The following FHIT variants were observed in gnomAD, a reference collection of about 807,000 sequenced individuals.
FHIT encodes fragile histidine triad diadenosine triphosphatase.
Under a neutral mutation model 17.9 loss-of-function variants are expected in FHIT, and 19 were observed. The observed-to-expected ratio is 1.06, with a 90% CI of 0.74 to 1.56. FHIT has a LOEUF of 1.56. Ranked by LOEUF, FHIT falls within the 40% of genes most tolerant of loss-of-function variation. FHIT has a pLI of 0.00. For missense variants in FHIT, 248 were observed against 189.2 expected (o/e 1.31, Z -1.82); for synonymous variants, 81 against 69.7 (o/e 1.16, Z -0.81).
At chr3:60,928,272 C>T (rs1010097584) in intron 3 of FHIT, among the ~76,000 whole-genome samples, 1 of 150,954 alleles carries the variant, frequency 6.6e-6, no homozygotes. Context: ...CTGCGAAATC[C>T]CCCTCTCTGA....
intron 3 of FHIT, among the ~76,000 whole-genome samples, chr3:60,892,064 C>T (rs1391501015): frequency 6.6e-6 from 1 of 152,028 alleles, no homozygotes; most frequent in Non-Finnish European, 1.5e-5. Flanking sequence ...GATCTGTTGC[C>T]AGAGTATGTT....
At position 60,828,156 on chromosome 3, in the gene FHIT, T is replaced by G. The variant is rs1444003085; in HGVS notation, c.-110-6145A>C. The stretch of plus-strand genomic sequence containing the variant: ...CTTCCTCATTAAGTTATTAGGGGGA[T>G]TCAGTGAGATAATTTATGTAAAGAA... On this transcript the variant is annotated intron_variant, in intron 3 of 9. Transcript: ENST00000492590. Among the ~76,000 whole-genome samples the G allele has an allele frequency of 9.2e-5, 14 of 152,302 alleles. 1 individual carries two copies. In the East Asian group the frequency reaches 2.7e-3, roughly 29 times the overall value.
At chr3:61,044,203 C>T (rs1473933800) in intron 2 of FHIT, among the ~76,000 whole-genome samples, 23 of 152,140 alleles carry the variant, frequency 1.5e-4, no homozygotes, top group African/African-American at 7.2e-5. Context: ...GGAGGATGTT[C>T]GAACCCATCA....
intron 8 of FHIT, among the ~76,000 whole-genome samples, chr3:59,851,956 C>G (rs1397097184): frequency 5.9e-5 from 9 of 152,186 alleles, no homozygotes; most frequent in African/African-American, 1.4e-4. Flanking sequence ...TTTACCCTTT[C>G]ATCTTGCTCT....
At chr3:60,500,441 C>A (rs1294842775) in intron 5 of FHIT, among the ~76,000 whole-genome samples, 2 of 152,120 alleles carry the variant, frequency 1.3e-5, no homozygotes, top group Admixed American at 1.3e-4. Context: ...AAAGAAAGCT[C>A]CTTTAAAACT....
At chr3:60,221,335 C>T (rs1703949274) in intron 5 of FHIT, among the ~76,000 whole-genome samples, 1 of 152,068 alleles carries the variant, frequency 6.6e-6, no homozygotes, top group African/African-American at 2.4e-5. Flanking sequence ...ACCAGGAGAA[C>T]AGCAGTTCAG....
At chr3:60,781,741 A>G (rs919029270) in intron 4 of FHIT, among the ~76,000 whole-genome samples, 7 of 152,224 alleles carry the variant, frequency 4.6e-5, no homozygotes, top group Admixed American at 4.6e-4. Flanking sequence ...TAAAATAACA[A>G]GAAGTACCAC....
rs569511142 is a variant in FHIT at position 60,515,449 on chromosome 3, G to A, written c.103+21411C>T. Among the ~76,000 whole-genome samples the A allele has an allele frequency of 2.7e-5, 4 of 148,774 alleles. No individual in the cohort carries two copies. In the South Asian group the frequency reaches 8.5e-4, roughly 32 times the overall value. ...ATCAGTATTTATGGGCTTACAAGAA[G>A]ATAAATGCATTTCAAGAGTAGCCTC... On this transcript the variant is annotated intron_variant, in intron 5 of 9. Transcript: ENST00000492590.
chr3:60,486,207 T>C (rs1278397894), intron 5 of FHIT, among the ~76,000 whole-genome samples: 2 of 152,076 alleles, frequency 1.3e-5, no homozygotes. Flanking sequence ...AGAGAGTATA[T>C]AAACAATAAT....
chr3:60,794,408 G>GGATGGATA (rs1700902445), intron 4 of FHIT, among the ~76,000 whole-genome samples: 2 of 149,418 alleles, frequency 1.3e-5, no homozygotes, highest in African/African-American at 5.0e-5. Flanking sequence ...ATGGATGGAT[G>GGATGGATA]GATGGATGGA....
chr3:60,390,328 T>C (rs1701169504), intron 5 of FHIT, among the ~76,000 whole-genome samples: 1 of 148,510 alleles, frequency 6.7e-6, no homozygotes, highest in Non-Finnish European at 1.5e-5. Flanking sequence ...AATAGTCATG[T>C]ACTGTATAAC....
chr3:60,982,305 G>C, intron 3 of FHIT, among the ~76,000 whole-genome samples: 1 of 152,194 alleles, frequency 6.6e-6, no homozygotes, highest in East Asian at 1.9e-4. Flanking sequence ...TGAGAAGCCT[G>C]GGTCAGAATT....
intron 4 of FHIT, among the ~76,000 whole-genome samples, chr3:60,722,755 C>A (rs1475675636): frequency 7.0e-6 from 1 of 142,714 alleles, no homozygotes; most frequent in South Asian, 2.2e-4. Context: ...CTCTGTTGAC[C>A]AGGCTGGAAT....
At chr3:60,670,273 T>C (rs1436433815) in intron 4 of FHIT, among the ~76,000 whole-genome samples, 3 of 152,156 alleles carry the variant, frequency 2.0e-5, no homozygotes, top group African/African-American at 7.2e-5. Flanking sequence ...AAGTAAAAAA[T>C]AGGATTTCCT....
intron 7 of FHIT, among the ~76,000 whole-genome samples, chr3:59,969,799 T>C (rs2107378827): frequency 6.6e-6 from 1 of 152,222 alleles, no homozygotes; most frequent in East Asian, 1.9e-4. Context: ...GATATTTTCT[T>C]GAAAGTAAAA....
chr3:60,375,932 T>A (rs910721195), intron 5 of FHIT, among the ~76,000 whole-genome samples: 1 of 152,178 alleles, frequency 6.6e-6, no homozygotes, highest in Non-Finnish European at 1.5e-5. Context: ...TGAAATATGG[T>A]AGTGTGCCTG....
intron 4 of FHIT, among the ~76,000 whole-genome samples, chr3:60,565,417 T>C (rs2037097995): frequency 6.6e-6 from 1 of 152,094 alleles, no homozygotes; most frequent in Non-Finnish European, 1.5e-5. Flanking sequence ...TCATAAACAA[T>C]ACAACACTTT....
At chr3:60,712,311 G>A (rs540896424) in intron 4 of FHIT, among the ~76,000 whole-genome samples, 48 of 152,184 alleles carry the variant, frequency 3.2e-4, no homozygotes, top group African/African-American at 5.1e-4. Flanking sequence ...GGTACCAGCC[G>A]CTGCAAAATC....
intron 3 of FHIT, among the ~76,000 whole-genome samples, chr3:60,845,726 C>T (rs1194152274): frequency 6.6e-6 from 1 of 152,132 alleles, no homozygotes; most frequent in Non-Finnish European, 1.5e-5. Flanking sequence ...CAGAAATAAA[C>T]TTGATCATCC....
Sources: gnomAD v4.1 joint callset for allele counts (sites outside exome capture counted in the v4.1 genomes callset) on GRCh38, gnomAD v4.1.1 for gene constraint, MANE v1.5 for transcripts, NCBI Gene and HGNC (gene_info 2026-07-23, HGNC 2026-07-21) for gene names.